Variants in ZNF385D observed in about 807,000 individuals in gnomAD.
ZNF385D encodes zinc finger protein 385D, also known as zinc finger protein 659.
Under a neutral mutation model 35.8 loss-of-function variants are expected in ZNF385D, and 15 were observed. The ratio of observed to expected loss-of-function variants is 0.42; its 90% CI spans 0.28 to 0.64. The LOEUF is 0.64. ZNF385D is among the 30% of genes least tolerant of loss of function. ZNF385D has a pLI of 0.23. For synonymous variants in ZNF385D, 212 were observed against 186.8 expected (o/e 1.13, Z -1.10); for missense variants, 474 against 494.6 (o/e 0.96, Z 0.39).
At chr3:21,896,780 C>G (rs1455068182) in intron 3 of ZNF385D, among the ~76,000 whole-genome samples, 2 of 151,266 alleles carry the variant, frequency 1.3e-5, no homozygotes, top group East Asian at 3.9e-4. Context: ...GACATTCGCA[C>G]TAGGTTCTGT....
In ZNF385D at chr3:22,147,045, T is replaced by G. The variant is rs1472014117; in HGVS notation, c.325+21772A>C. On this transcript the variant is annotated intron_variant, in intron 3 of 5. Transcript: ENST00000494108. ...TTGTTAGCAAATCTGACATTGTATTTAGAGTTACCCAATTAAAGGTATAGT... is the reference window on the plus strand; with the variant it reads ...TTGTTAGCAAATCTGACATTGTATTGAGAGTTACCCAATTAAAGGTATAGT... 2.0e-5 allele frequency among the ~76,000 whole-genome samples: 3 copies of G among 152,186 alleles called. No homozygotes were observed. The East Asian group carries it at 5.8e-4, about 29-fold the overall frequency.
At chr3:22,275,943 G>C (rs1047584599) in intron 2 of ZNF385D, among the ~76,000 whole-genome samples, 1 of 151,982 alleles carries the variant, frequency 6.6e-6, no homozygotes, top group African/African-American at 2.4e-5. Context: ...AAATTAGCTG[G>C]GCATGGTGGC....
intron 3 of ZNF385D, among the ~76,000 whole-genome samples, chr3:21,812,863 A>G (rs2125711821): frequency 6.6e-6 from 1 of 152,238 alleles, no homozygotes; most frequent in Admixed American, 6.5e-5. Flanking sequence ...CCCAGCATGG[A>G]GTTTGAGATC....
intron 2 of ZNF385D, among the ~76,000 whole-genome samples, chr3:22,257,288 T>A (rs561690138): frequency 6.6e-6 from 1 of 151,928 alleles, no homozygotes; most frequent in African/African-American, 2.4e-5. Flanking sequence ...ACACTCAAAG[T>A]ACGAACTTGT....
At chr3:21,613,102 C>T (rs545348409) in intron 2 of ZNF385D, among the ~76,000 whole-genome samples, 2 of 150,652 alleles carry the variant, frequency 1.3e-5, no homozygotes, top group South Asian at 4.2e-4. Context: ...ATCTGTTATA[C>T]TTCAAGGTGA....
At chr3:21,775,490 A>G (rs573323902) in intron 3 of ZNF385D, among the ~76,000 whole-genome samples, 1 of 152,042 alleles carries the variant, frequency 6.6e-6, no homozygotes, top group African/African-American at 2.4e-5. Flanking sequence ...TACTCCAAAA[A>G]TAGTCTAAAC....
rs111313826 is a variant in ZNF385D at position 21,931,756 on chromosome 3, G to A, written c.325+237061C>T. 7.2e-3 allele frequency among the ~76,000 whole-genome samples: 1,095 copies of A among 152,286 alleles called. 9 individuals carry two copies. The highest frequency in any genetic ancestry group is 0.014 in the Middle Eastern group (4 of 294). ...GGGGGATGATAGATGTTCAAAACTA[G>A]ATTGTTATAATGTTTATACAACTCT... On this transcript the variant is annotated intron_variant, in intron 3 of 5. Coordinates refer to the ZNF385D transcript ENST00000494108.
chr3:21,829,447 T>A (rs1037395021), intron 3 of ZNF385D, among the ~76,000 whole-genome samples: 1 of 152,016 alleles, frequency 6.6e-6, no homozygotes, highest in African/African-American at 2.4e-5. Flanking sequence ...TGGCTTAGAG[T>A]GGCAGAGACA....
At chr3:22,158,220 G>A (rs56347631) in intron 3 of ZNF385D, among the ~76,000 whole-genome samples, 26,422 of 151,988 alleles carry the variant, frequency 0.17, 2,951 homozygotes, top group Middle Eastern at 0.26. Context: ...TTATATCTGA[G>A]TTTCTAACTG....
intron 3 of ZNF385D, among the ~76,000 whole-genome samples, chr3:22,143,177 A>C (rs950713664): frequency 2.2e-5 from 3 of 139,250 alleles, no homozygotes; most frequent in African/African-American, 3.2e-5. Context: ...CCGCCTCCCA[A>C]GTTCACTCCA....
At chr3:21,747,421 G>A (rs1307271821) in intron 1 of ZNF385D, among the ~76,000 whole-genome samples, 6 of 152,124 alleles carry the variant, frequency 3.9e-5, no homozygotes, top group Admixed American at 2.6e-4. Context: ...AGAACTGAAA[G>A]CTTCCTGATA....
At chr3:21,494,788 A>C (rs566709099) in intron 4 of ZNF385D, among the ~76,000 whole-genome samples, 1 of 152,310 alleles carries the variant, frequency 6.6e-6, no homozygotes, top group South Asian at 2.1e-4. Context: ...CAGAAGCTAC[A>C]TCTCATGACT....
chr3:21,830,277 C>T (rs1364713234), intron 3 of ZNF385D, among the ~76,000 whole-genome samples: 1 of 152,066 alleles, frequency 6.6e-6, no homozygotes, highest in Non-Finnish European at 1.5e-5. Context: ...GGGATTGTAT[C>T]CTAGTTTACT....
chr3:21,617,865 T>G (rs2064893396), intron 2 of ZNF385D, among the ~76,000 whole-genome samples: 1 of 152,186 alleles, frequency 6.6e-6, no homozygotes, highest in African/African-American at 2.4e-5. Context: ...TAAGAAGTTG[T>G]GTGCAGCCAG....
intron 3 of ZNF385D, among the ~76,000 whole-genome samples, chr3:22,022,881 T>C (rs1697307058): frequency 6.6e-6 from 1 of 152,142 alleles, no homozygotes; most frequent in South Asian, 2.1e-4. Context: ...CTTTGGCTTG[T>C]TTCTTTGTAT....
intron 1 of ZNF385D, among the ~76,000 whole-genome samples, chr3:21,715,766 C>G (rs1278153380): frequency 6.6e-6 from 1 of 152,090 alleles, no homozygotes; most frequent in Non-Finnish European, 1.5e-5. Context: ...CTCTTCCAAT[C>G]TCATGTTTTA....
chr3:21,468,883 C>T (rs141500562), intron 4 of ZNF385D, among the ~76,000 whole-genome samples: 95 of 152,040 alleles, frequency 6.2e-4, no homozygotes, highest in African/African-American at 2.2e-3. Flanking sequence ...GAACCGAGAT[C>T]GTGCCACTGC....
intron 3 of ZNF385D, among the ~76,000 whole-genome samples, chr3:21,825,775 G>T (rs757701656): frequency 4.5e-4 from 68 of 152,060 alleles, no homozygotes; most frequent in Non-Finnish European, 7.9e-4. Context: ...CTAGCCCAGG[G>T]GTCCCCAGCC....
chr3:22,066,944 AG>A (rs1384644712), intron 3 of ZNF385D, among the ~76,000 whole-genome samples: 1 of 152,216 alleles, frequency 6.6e-6, no homozygotes, highest in East Asian at 1.9e-4. Context: ...ATTCTTGTTT[AG>A]TTTCCCTACT....
Sources: gnomAD v4.1 joint callset for allele counts (sites outside exome capture counted in the v4.1 genomes callset) on GRCh38, gnomAD v4.1.1 for gene constraint, MANE v1.5 for transcripts, NCBI Gene and HGNC (gene_info 2026-07-23, HGNC 2026-07-21) for gene names.